Variants in PPM1L observed in about 807,000 individuals in gnomAD.
PPM1L encodes the protein protein phosphatase 1L.
A neutral mutation model predicts 31.4 loss-of-function variants in PPM1L; 13 were observed. The ratio of observed to expected loss-of-function variants is 0.41; its 90% confidence interval spans 0.27 to 0.66. The LOEUF is 0.66. PPM1L is among the 30% of genes least tolerant of loss of function. The probability of loss-of-function intolerance (pLI) is 0.29; values close to 1 mark genes in which losing one functional copy is unlikely to be tolerated. For synonymous variants in PPM1L, 184 were observed against 175.4 expected (o/e 1.05, Z -0.39); for missense variants, 326 against 453.7 (o/e 0.72, Z 2.56).
At chr3:160,938,476 T>C (rs971947751) in intron 1 of PPM1L, among the ~76,000 whole-genome samples, 2 of 152,226 alleles carry the variant, frequency 1.3e-5, no homozygotes, top group African/African-American at 4.8e-5. Flanking sequence ...CTGTGAACTA[T>C]TATCTTTACT....
chr3:161,003,247 T>C (rs1717569809), intron 2 of PPM1L, among the ~76,000 whole-genome samples: 1 of 150,102 alleles, frequency 6.7e-6, no homozygotes, highest in African/African-American at 2.5e-5. Flanking sequence ...TGTAGCCTTG[T>C]AGTATAGTTT....
intron 1 of PPM1L, among the ~76,000 whole-genome samples, chr3:160,848,203 A>G (rs1041536998): frequency 3.3e-5 from 5 of 152,176 alleles, no homozygotes; most frequent in African/African-American, 1.2e-4. Flanking sequence ...AGTAATGCAG[A>G]TAATTTTATT....
intron 1 of PPM1L, among the ~76,000 whole-genome samples, chr3:160,774,034 C>T (rs770082338): frequency 1.3e-5 from 2 of 152,154 alleles, no homozygotes. Context: ...GCACAGGGCT[C>T]CCCTTCCTGT....
At chr3:160,952,522 G>C (rs1264521962) in intron 1 of PPM1L, among the ~76,000 whole-genome samples, 2 of 152,096 alleles carry the variant, frequency 1.3e-5, no homozygotes, top group Non-Finnish European at 2.9e-5. Context: ...CCTAAATTCA[G>C]CCCTTTTTCT....
chr3:161,039,027 C>G (rs1718832712), intron 2 of PPM1L, among the ~76,000 whole-genome samples: 1 of 152,164 alleles, frequency 6.6e-6, no homozygotes, highest in African/African-American at 2.4e-5. Flanking sequence ...TTACAAATGG[C>G]ATGGCAACGT....
chr3:160,830,223 C>A (rs1183724946), intron 1 of PPM1L, among the ~76,000 whole-genome samples: 1 of 152,166 alleles, frequency 6.6e-6, no homozygotes, highest in African/African-American at 2.4e-5. Context: ...GGAATGCCAA[C>A]CCTGAACCAA....
At chr3:160,933,233 C>A (rs1366823243) in intron 1 of PPM1L, among the ~76,000 whole-genome samples, 1 of 151,998 alleles carries the variant, frequency 6.6e-6, no homozygotes, top group Admixed American at 6.6e-5. Context: ...GCACAGAAAG[C>A]AATTTGTTGT....
At chr3:160,797,632 C>T (rs1473912618) in intron 1 of PPM1L, among the ~76,000 whole-genome samples, 1 of 152,214 alleles carries the variant, frequency 6.6e-6, no homozygotes, top group Non-Finnish European at 1.5e-5. Flanking sequence ...ATCAAAAGTG[C>T]TACTCCAGTG....
intron 1 of PPM1L, among the ~76,000 whole-genome samples, chr3:160,759,128 T>A (rs1351761868): frequency 6.6e-6 from 1 of 152,232 alleles, no homozygotes; most frequent in African/African-American, 2.4e-5. Flanking sequence ...CCTTTAACAT[T>A]CACCAGAGGA....
chr3:160,782,627 C>T (rs1711782208), intron 1 of PPM1L, among the ~76,000 whole-genome samples: 1 of 152,070 alleles, frequency 6.6e-6, no homozygotes, highest in East Asian at 1.9e-4. Flanking sequence ...ATTGGTTGTT[C>T]CTAAACTAAC....
chr3:161,016,952 T>G (rs1599382), intron 2 of PPM1L, among the ~76,000 whole-genome samples: 33,463 of 152,110 alleles, frequency 0.22, 3,993 homozygotes, highest in South Asian at 0.3. Context: ...TGGAGTATTA[T>G]CTGAACAAAA....
chr3:160,926,600 T>C (rs1157201642), intron 1 of PPM1L, among the ~76,000 whole-genome samples: 1 of 152,226 alleles, frequency 6.6e-6, no homozygotes, highest in Non-Finnish European at 1.5e-5. Flanking sequence ...GTACATTGAA[T>C]TGACTTTGGA....
At chr3:160,866,198 C>T (rs1418311910) in intron 1 of PPM1L, among the ~76,000 whole-genome samples, 2 of 152,118 alleles carry the variant, frequency 1.3e-5, no homozygotes, top group Non-Finnish European at 2.9e-5. Context: ...GAGAGGAAAG[C>T]CTCCTACTTA....
rs1227921871 is a variant in PPM1L at position 161,074,918 on chromosome 3, T to TGAA, written c.*5763_*5765dup. 6.6e-6 allele frequency: 1 copy of TGAA among 152,192 alleles called. No homozygotes were observed. Among genetic ancestry groups the TGAA allele is most frequent in the Non-Finnish European group, 1.5e-5 (1 of 68,042 alleles). The allele number at this position is 152,192 out of a possible 1,614,324, so 9.4% of individuals were successfully genotyped here. On this transcript the variant is annotated 3_prime_UTR_variant, in exon 4 of 4. Coordinates refer to ENST00000498165, the MANE Select transcript of PPM1L (RefSeq NM_139245.4). ...TTAGAGATGTGGTTTCATTTATTCTTGAAGTCCTATAACCTTGCATTATTT... is the reference window on the plus strand; with the variant it reads ...TTAGAGATGTGGTTTCATTTATTCTTGAAGAAGTCCTATAACCTTGCATTATTT...
intron 1 of PPM1L, among the ~76,000 whole-genome samples, chr3:160,779,117 C>T (rs1299431376): frequency 7.6e-6 from 1 of 131,264 alleles, no homozygotes; most frequent in African/African-American, 3.0e-5. Context: ...AAAAAAAAAA[C>T]TGTGTAAACG....
intron 2 of PPM1L, among the ~76,000 whole-genome samples, chr3:161,013,316 C>T (rs2108065127): frequency 6.6e-6 from 1 of 152,272 alleles, no homozygotes; most frequent in East Asian, 1.9e-4. Flanking sequence ...TGTTCAGTTC[C>T]CATGTAGTTG....
At chr3:160,798,423 T>G (rs1174953712) in intron 1 of PPM1L, among the ~76,000 whole-genome samples, 1 of 152,170 alleles carries the variant, frequency 6.6e-6, no homozygotes, top group African/African-American at 2.4e-5. Context: ...AGCTGGTGAC[T>G]TTAGGTTGTA....
rs1238352275 is a variant in PPM1L, at chr3:160,970,445, ATATT to A, written c.574+8537_574+8540del. 8.1e-4 allele frequency among the ~76,000 whole-genome samples: 27 copies of A among 33,450 alleles called. 2 individuals are homozygous for A. The highest frequency in any genetic ancestry group is 1.2e-3 in the Non-Finnish European group (9 of 7,758). The allele number at this position is 33,450 out of a possible 152,430, so 21.9% of individuals were successfully genotyped here. ...TTATCAATCTTTTTAACCAAGCTGAATATTTTTTTTTTTTTTTTTTTTGAGATGG... is the reference window on the plus strand; with the variant it reads ...TTATCAATCTTTTTAACCAAGCTGAATTTTTTTTTTTTTTTTTTGAGATGG... On this transcript the variant is annotated intron_variant, in intron 2 of 3. Coordinates refer to ENST00000498165, the MANE Select transcript of PPM1L (RefSeq NM_139245.4).
At chr3:160,998,426 G>T (rs893907950) in intron 2 of PPM1L, among the ~76,000 whole-genome samples, 3 of 152,156 alleles carry the variant, frequency 2.0e-5, no homozygotes, top group African/African-American at 7.2e-5. Context: ...ATAAAAATTA[G>T]TTTATCTGGT....
Sources: allele counts gnomAD v4.1 joint callset (sites outside exome capture counted in the v4.1 genomes callset), GRCh38; gene constraint gnomAD v4.1.1; transcripts MANE v1.5; gene names NCBI Gene and HGNC (gene_info 2026-07-23, HGNC 2026-07-21).